Variants in RIMS1 observed in about 807,000 individuals in gnomAD.
RIMS1 encodes the protein regulating synaptic membrane exocytosis protein 1.
RIMS1 carries 83 observed loss-of-function variants against 214.1 expected under a neutral mutation model. The ratio of observed to expected loss-of-function variants is 0.39; its 90% CI spans 0.32 to 0.47. RIMS1 has a LOEUF of 0.47. Ranked by LOEUF, RIMS1 falls within the 20% of genes least tolerant of loss-of-function variation. The probability of loss-of-function intolerance (pLI) is 0.99; values close to 1 mark genes in which losing one functional copy is unlikely to be tolerated. For synonymous variants in RIMS1, 793 were observed against 786.8 expected (o/e 1.01, Z -0.13); for missense variants, 2,050 against 2,161.8 (o/e 0.95, Z 1.03).
chr6:72,400,016 C>T (rs761907375), intron 33 of RIMS1, among the ~76,000 whole-genome samples: 30 of 152,090 alleles, frequency 2.0e-4, no homozygotes, highest in Non-Finnish European at 1.9e-4. Context: ...GACCATAATA[C>T]GAAAGAAATC....
At chr6:72,181,364 G>C (rs1456846255) in intron 5 of RIMS1, among the ~76,000 whole-genome samples, 1 of 152,192 alleles carries the variant, frequency 6.6e-6, no homozygotes, top group East Asian at 1.9e-4. Context: ...AGGGAACGTA[G>C]AATTAATAGC....
chr6:72,293,843 A>G (rs555786109), intron 26 of RIMS1, among the ~76,000 whole-genome samples: 7 of 151,922 alleles, frequency 4.6e-5, no homozygotes, highest in Middle Eastern at 6.8e-3. Context: ...CAGAGAAATC[A>G]TCAATTTGTA....
intron 1 of RIMS1, among the ~76,000 whole-genome samples, chr6:71,890,372 TTCTTAA>T (rs1041926464): frequency 6.5e-5 from 4 of 61,462 alleles, no homozygotes; most frequent in South Asian, 4.7e-4. Context: ...TAGAGGTCTT[TTCTTAA>T]TCTTAATAGT....
intron 9 of RIMS1, among the ~76,000 whole-genome samples, chr6:72,239,298 A>G (rs1387315164): frequency 6.6e-6 from 1 of 152,126 alleles, no homozygotes; most frequent in Non-Finnish European, 1.5e-5. Flanking sequence ...TTCTATATAA[A>G]ATATCTGTTA....
intron 6 of RIMS1, among the ~76,000 whole-genome samples, chr6:72,230,113 G>T (rs569893127): frequency 3.3e-5 from 5 of 151,940 alleles, no homozygotes; most frequent in African/African-American, 1.2e-4. Context: ...TTTTTGGTCT[G>T]TGAAGTTTAC....
intron 6 of RIMS1, among the ~76,000 whole-genome samples, chr6:72,223,041 C>T (rs1438081097): frequency 1.3e-5 from 2 of 152,124 alleles, no homozygotes; most frequent in Non-Finnish European, 2.9e-5. Context: ...TTGAACAAAC[C>T]ATTTTCCCAT....
rs948798746 is a variant in RIMS1, at chr6:72,123,364, C to T, written c.471+23378C>T. Among the ~76,000 whole-genome samples the T allele has an allele frequency of 5.9e-5, 9 of 152,028 alleles. 1 individual carries two copies. The highest frequency in any genetic ancestry group is 2.2e-4 in the African/African-American group (9 of 41,546). On this transcript the variant is annotated intron_variant, in intron 4 of 33. Coordinates refer to ENST00000521978, the MANE Select transcript of RIMS1 (RefSeq NM_014989.7). ...GTTTGTTGTGATTTCTGTTCTTTTA[C>T]ATTTGCTGAGGACTGCTTTACTTCC... is the stretch of plus-strand genomic sequence containing the variant.
chr6:71,942,342 T>G (rs1786415574), intron 1 of RIMS1, among the ~76,000 whole-genome samples: 1 of 152,232 alleles, frequency 6.6e-6, no homozygotes, highest in African/African-American at 2.4e-5. Flanking sequence ...AGGAATCATT[T>G]AGGTTGTAAA....
intron 22 of RIMS1, among the ~76,000 whole-genome samples, chr6:72,273,891 C>T (rs558962576): frequency 1.3e-5 from 2 of 152,166 alleles, no homozygotes; most frequent in African/African-American, 4.8e-5. Context: ...ATTAAATTCA[C>T]ACATCCCCAC....
At chr6:72,182,158 C>G in intron 5 of RIMS1, 126 bp from the exon 6 acceptor site, 1 of 1,044,838 alleles carries the variant, frequency 9.6e-7, no homozygotes, top group South Asian at 2.1e-5. Flanking sequence ...GTTCCACCTT[C>G]AGATCCAAAT....
At chr6:71,955,292 G>A (rs1790905448) in intron 1 of RIMS1, among the ~76,000 whole-genome samples, 1 of 151,926 alleles carries the variant, frequency 6.6e-6, no homozygotes, top group Admixed American at 6.6e-5. Flanking sequence ...TCAGCCTCCT[G>A]GGTAGCTGGG....
chr6:72,146,748 A>T (rs1038615312), intron 4 of RIMS1, among the ~76,000 whole-genome samples: 1 of 152,246 alleles, frequency 6.6e-6, no homozygotes, highest in Non-Finnish European at 1.5e-5. Flanking sequence ...AAAAATTTAT[A>T]TTCCCATGCC....
At chr6:72,092,949 C>A (rs1209193571) in intron 2 of RIMS1, among the ~76,000 whole-genome samples, 2 of 152,074 alleles carry the variant, frequency 1.3e-5, no homozygotes, top group African/African-American at 2.4e-5. Flanking sequence ...AGCCAGGAGA[C>A]CTTCAATTCT....
At chr6:72,400,447 G>T in intron 33 of RIMS1, 49 bp from the exon 34 acceptor site, 2 of 1,531,624 alleles carry the variant, frequency 1.3e-6, no homozygotes, top group South Asian at 2.2e-5. Context: ...CCCTTCGAAT[G>T]TGAAGCAGAG....
At chr6:72,370,257 G>T (rs1340746787) in intron 29 of RIMS1, among the ~76,000 whole-genome samples, 1 of 152,110 alleles carries the variant, frequency 6.6e-6, no homozygotes, top group Non-Finnish European at 1.5e-5. Flanking sequence ...AACTTTGAAA[G>T]TACAATTTAA....
At chr6:72,190,417 C>T (rs908743962) in intron 6 of RIMS1, among the ~76,000 whole-genome samples, 2 of 146,752 alleles carry the variant, frequency 1.4e-5, no homozygotes. Flanking sequence ...GAGCTGAGAT[C>T]GCGCCATTGC....
chr6:72,077,164 A>C (rs957916353), intron 2 of RIMS1, among the ~76,000 whole-genome samples: 4 of 151,436 alleles, frequency 2.6e-5, no homozygotes, highest in African/African-American at 9.7e-5. Flanking sequence ...TCAGGATCCC[A>C]CTCCTCACTC....
intron 29 of RIMS1, among the ~76,000 whole-genome samples, chr6:72,372,472 C>T (rs1328256444): frequency 6.6e-6 from 1 of 152,124 alleles, no homozygotes; most frequent in East Asian, 1.9e-4. Context: ...TACAAAAATG[C>T]TCTTTTTTCC....
At chr6:71,943,540 A>C (rs1229947874) in intron 1 of RIMS1, among the ~76,000 whole-genome samples, 5 of 152,158 alleles carry the variant, frequency 3.3e-5, no homozygotes, top group Non-Finnish European at 5.9e-5. Context: ...CCTGTGCTTA[A>C]ATTTAGCACT....
Sources: gnomAD v4.1 joint callset for allele counts (sites outside exome capture counted in the v4.1 genomes callset) on GRCh38, gnomAD v4.1.1 for gene constraint, MANE v1.5 for transcripts, NCBI Gene and HGNC (gene_info 2026-07-23, HGNC 2026-07-21) for gene names.